The following RAD23B variants were observed in gnomAD, a reference collection of about 807,000 sequenced individuals.
RAD23B encodes the protein RAD23 nucleotide excision repair protein B, also known as lysine-specific demethylase RAD23B.
RAD23B carries 5 observed loss-of-function variants against 49.1 expected under a neutral mutation model. That is an observed-to-expected ratio of 0.10 (90% CI 0.05 to 0.21). The LOEUF (loss-of-function observed/expected upper bound fraction) is 0.21, where lower values mean the gene tolerates loss of function less well. RAD23B is among the 10% of genes least tolerant of loss of function. The probability of loss-of-function intolerance (pLI) is 1.00; values close to 1 mark genes in which losing one functional copy is unlikely to be tolerated. For missense variants in RAD23B, 356 were observed against 486.7 expected, an observed-to-expected ratio of 0.73 and a Z score of 2.53; for synonymous variants, 184 against 165.4, an observed-to-expected ratio of 1.11 and a Z score of -0.86.
At chr9:107,288,736 T>A (rs1466910865) in intron 1 of RAD23B, among the ~76,000 whole-genome samples, 1 of 152,124 alleles carries the variant, frequency 6.6e-6, no homozygotes, top group African/African-American at 2.4e-5. Context: ...CCTTTCTGAA[T>A]AAGGTGACAT....
intron 3 of RAD23B, among the ~76,000 whole-genome samples, chr9:107,305,751 T>TA (rs1826749383): frequency 6.6e-6 from 1 of 152,244 alleles, no homozygotes; most frequent in East Asian, 1.9e-4. Flanking sequence ...CTCCCTCTTC[T>TA]AAAAATACAG....
chr9:107,304,733 T>C (rs1826725492), intron 3 of RAD23B, among the ~76,000 whole-genome samples: 2 of 152,156 alleles, frequency 1.3e-5, no homozygotes, highest in Admixed American at 1.3e-4. Context: ...GTAGCGAGCA[T>C]TGAGAGGCCT....
chr9:107,318,636 T>C lies in RAD23B; in HGVS notation c.554-116T>C. 8.8e-7 allele frequency: 1 copy of C among 1,140,838 alleles called. No homozygotes were observed. Among genetic ancestry groups the C allele is most frequent in the Non-Finnish European group, 1.2e-6 (1 of 811,442 alleles). The allele number at this position is 1,140,838 out of a possible 1,614,324, so 70.7% of individuals were successfully genotyped here. On this transcript the variant is annotated intron_variant, in intron 5 of 9. Transcript: ENST00000358015. The surrounding 1 kb of genome is among the most constrained non-coding windows in gnomAD (Gnocchi z 4.3). ...ATGTTGTAATTTATACTGTTACTCA[T>C]CTTTGTATTCCCAGCATAGTAGTTC...
In RAD23B at chr9:107,303,522, G is replaced by C. The variant is rs190084612; in HGVS notation, c.228+1408G>C. Among the ~76,000 whole-genome samples, 70 of 152,254 alleles carry C rather than the reference G, an allele frequency of 4.6e-4. 1 individual carries two copies. In the East Asian group the frequency reaches 0.013, roughly 27 times the overall value. On this transcript the variant is annotated intron_variant, in intron 3 of 9. Transcript: ENST00000358015. ...ATCATCTAGGTTTTTTTATTCAACT[G>C]TGGTAAAATATAACAAACTTCCAGT...
At chr9:107,295,061 T>C (rs1452952169) in intron 1 of RAD23B, among the ~76,000 whole-genome samples, 1 of 147,142 alleles carries the variant, frequency 6.8e-6, no homozygotes, top group Non-Finnish European at 1.5e-5. Flanking sequence ...TAAAGAGCAG[T>C]GTTAATGGAA....
intron 2 of RAD23B, 44 bp downstream of exon 2, chr9:107,300,266 C>A: frequency 6.4e-7 from 1 of 1,563,730 alleles, no homozygotes. Flanking sequence ...TCTTGATATT[C>A]TTTTAGTTTT....
intron 1 of RAD23B, among the ~76,000 whole-genome samples, 167 bp from the exon 2 acceptor site, chr9:107,299,974 G>A (rs1428607937): frequency 6.6e-6 from 1 of 152,078 alleles, no homozygotes; most frequent in Non-Finnish European, 1.5e-5. Context: ...AGTAATATGA[G>A]TTAATGTTGA....
chr9:107,309,071 A>G (rs552003684), intron 4 of RAD23B, among the ~76,000 whole-genome samples: 1 of 152,354 alleles, frequency 6.6e-6, no homozygotes, highest in African/African-American at 2.4e-5. Context: ...TAAAGGACAA[A>G]TTGGAATCCT....
rs1833376972 is a variant in RAD23B, at chr9:107,291,161, A to G, written c.66+7466A>G. Among the ~76,000 whole-genome samples, 3 of 152,194 alleles carry G rather than the reference A, an allele frequency of 2.0e-5. No homozygotes were observed. In the South Asian group the frequency reaches 6.2e-4, roughly 31 times the overall value. ...TAAACAGGTAGATAAAGTTGTTCTCACCAATTATTCCCCACACACTTCTGG... is the reference window on the plus strand; with the variant it reads ...TAAACAGGTAGATAAAGTTGTTCTCGCCAATTATTCCCCACACACTTCTGG... On this transcript the variant is annotated intron_variant, in intron 1 of 9. Coordinates refer to ENST00000358015, the MANE Select transcript of RAD23B (RefSeq NM_002874.5).
At chr9:107,307,754 A>G (rs955629028) in intron 4 of RAD23B, among the ~76,000 whole-genome samples, 1 of 152,228 alleles carries the variant, frequency 6.6e-6, no homozygotes, top group Non-Finnish European at 1.5e-5. Flanking sequence ...CACCTGGTTC[A>G]TTGCTTACTT....
At chr9:107,322,222 C>T (rs765930096) in intron 7 of RAD23B, 104 bp downstream of exon 7, 17 of 1,322,992 alleles carry the variant, frequency 1.3e-5, no homozygotes, top group Admixed American at 2.7e-5. Context: ...CCAGAGCAGT[C>T]GAATAATTCG....
At chr9:107,309,878 C>G (rs2133083304) in intron 4 of RAD23B, among the ~76,000 whole-genome samples, 1 of 147,384 alleles carries the variant, frequency 6.8e-6, no homozygotes, top group East Asian at 2.0e-4. Context: ...TTGCAGTGAG[C>G]CGAGATTGCG....
At chr9:107,283,824 G>GTGCCGGC in intron 1 of RAD23B, 129 bp downstream of exon 1, 1 of 967,710 alleles carries the variant, frequency 1.0e-6, no homozygotes, top group Non-Finnish European at 1.4e-6. Context: ...CTGGGTCCTG[G>GTGCCGGC]TGCCGGCCCT....
intron 1 of RAD23B, among the ~76,000 whole-genome samples, chr9:107,289,164 C>G (rs1314932130): frequency 6.8e-6 from 1 of 146,360 alleles, no homozygotes; most frequent in Non-Finnish European, 1.5e-5. Flanking sequence ...TCCTCCCTTC[C>G]TTCCCCACTC....
intron 1 of RAD23B, chr9:107,284,216 C>T: frequency 1.0e-6 from 1 of 985,840 alleles, no homozygotes; most frequent in Non-Finnish European, 1.2e-6. Flanking sequence ...GAATTTGCCC[C>T]TTTCCCCTCA....
At chr9:107,300,969 C>T (rs138559273) in intron 2 of RAD23B, among the ~76,000 whole-genome samples, 1 of 152,248 alleles carries the variant, frequency 6.6e-6, no homozygotes, top group Non-Finnish European at 1.5e-5. Context: ...CCTAAAGAAG[C>T]GGACATAAAA....
chr9:107,302,554 T>C (rs148662341), intron 3 of RAD23B, among the ~76,000 whole-genome samples: 171 of 152,080 alleles, frequency 1.1e-3, no homozygotes, highest in Non-Finnish European at 2.0e-3. Flanking sequence ...ATTACAGTGA[T>C]AGTTCTTAGT....
At position 107,283,703 on chromosome 9, in the gene RAD23B, C is replaced by G. The variant is rs934236362; in HGVS notation, c.66+8C>G. ...ATTGACCCCGAGGAGACGGTATGCG[C>G]GCGGGCCGGGGGCAGGGGCAGCCGC... On this transcript the variant is annotated splice_region_variant and intron_variant, in intron 1 of 9. Coordinates refer to ENST00000358015, the MANE Select transcript of RAD23B (RefSeq NM_002874.5). The G allele has an allele frequency of 6.8e-7, 1 of 1,462,904 alleles. No individual in the cohort carries two copies. The highest frequency in any genetic ancestry group is 2.5e-5 in the Admixed American group (1 of 40,816). The allele number at this position is 1,462,904 out of a possible 1,614,324, so 90.6% of individuals were successfully genotyped here.
intron 6 of RAD23B, 35 bp from the exon 7 acceptor site, chr9:107,321,948 A>G (rs1388891681): frequency 1.3e-6 from 2 of 1,562,224 alleles, no homozygotes; most frequent in East Asian, 2.3e-5. Flanking sequence ...ATTTTGCATG[A>G]TGGGATATCT....
Sources: allele counts gnomAD v4.1 joint callset (sites outside exome capture counted in the v4.1 genomes callset), GRCh38; gene constraint gnomAD v4.1.1; non-coding constraint Gnocchi (gnomAD v3.1); transcripts MANE v1.5; gene names NCBI Gene and HGNC (gene_info 2026-07-23, HGNC 2026-07-21).